NFX1: variants seen among roughly 807,000 people sequenced by gnomAD.
The protein encoded by NFX1 is nuclear transcription factor, X-box binding 1.
In NFX1, 69 loss-of-function variants were observed where a neutral mutation model predicts 137.2. The observed-to-expected ratio is 0.50, with a 90% CI of 0.41 to 0.61. The LOEUF (loss-of-function observed/expected upper bound fraction) is 0.61. NFX1 is among the 20% of genes least tolerant of loss of function. NFX1 has a pLI of 0.00. For missense variants in NFX1, 1,167 were observed against 1,391.0 expected (o/e 0.84, Z 2.56); for synonymous variants, 495 against 474.1 (o/e 1.04, Z -0.57).
chr9:33,343,812 T>A (rs555563791), intron 13 of NFX1, among the ~76,000 whole-genome samples: 3 of 152,326 alleles, frequency 2.0e-5, no homozygotes, highest in East Asian at 3.9e-4. Context: ...TCTAGAAATA[T>A]GTTGGGAAAA....
chr9:33,293,370 GC>G, intron 1 of NFX1, among the ~76,000 whole-genome samples: 1 of 152,328 alleles, frequency 6.6e-6, no homozygotes, highest in African/African-American at 2.4e-5. Flanking sequence ...CAATGCTCAA[GC>G]CTGTGTGTTT....
intron 2 of NFX1, among the ~76,000 whole-genome samples, chr9:33,300,807 C>G (rs1376736658): frequency 2.0e-5 from 3 of 152,240 alleles, no homozygotes; most frequent in Non-Finnish European, 2.9e-5. Context: ...AGCCATCTCA[C>G]CACTCATGGG....
intron 10 of NFX1, among the ~76,000 whole-genome samples, chr9:33,329,089 C>A (rs1239927464): frequency 6.6e-6 from 1 of 152,116 alleles, no homozygotes; most frequent in African/African-American, 2.4e-5. Context: ...AAGGAGGTTA[C>A]AGTTTTATTA....
chr9:33,344,259 T>C (rs911910225), intron 14 of NFX1, 71 bp downstream of exon 14: 3 of 1,590,632 alleles, frequency 1.9e-6, no homozygotes, highest in African/African-American at 2.7e-5. Flanking sequence ...TGTGTTACTG[T>C]CTTCACTGCT....
intron 19 of NFX1, 65 bp from the exon 20 acceptor site, chr9:33,363,945 C>G (rs75063899): frequency 1.4e-5 from 15 of 1,054,316 alleles, no homozygotes; most frequent in Non-Finnish European, 1.8e-5. Flanking sequence ...AGTAGGCACT[C>G]GGGGTTACTG....
intron 7 of NFX1, among the ~76,000 whole-genome samples, chr9:33,315,667 A>G (rs9695762): frequency 0.021 from 3,183 of 151,202 alleles, 126 homozygotes; most frequent in African/African-American, 0.073. Context: ...CAGGTGGATC[A>G]CTTGAGCCTA....
intron 9 of NFX1, among the ~76,000 whole-genome samples, chr9:33,326,172 G>A (rs1314856344): frequency 6.6e-6 from 1 of 152,112 alleles, no homozygotes; most frequent in Non-Finnish European, 1.5e-5. Flanking sequence ...CAGCTCTTTG[G>A]GAGGCCAAGG....
intron 17 of NFX1, among the ~76,000 whole-genome samples, chr9:33,353,290 T>C (rs1408229783): frequency 6.6e-6 from 1 of 152,246 alleles, no homozygotes; most frequent in Non-Finnish European, 1.5e-5. Context: ...CAGCCAGGGC[T>C]AAGCTCTGTG....
chr9:33,293,695 T>C (rs1209492969), intron 1 of NFX1, among the ~76,000 whole-genome samples: 1 of 152,216 alleles, frequency 6.6e-6, no homozygotes, highest in East Asian at 1.9e-4. Flanking sequence ...GAATTGACTG[T>C]ACCAAGAAGC....
chr9:33,338,212 G>T (rs1055762524), intron 11 of NFX1, among the ~76,000 whole-genome samples: 5 of 151,798 alleles, frequency 3.3e-5, no homozygotes, highest in Admixed American at 1.3e-4. Flanking sequence ...AAAATTAGCT[G>T]GGTGTGGTGG....
chr9:33,342,754 G>A lies in NFX1; in HGVS notation c.2124G>A (p.Glu708=), dbSNP rs372268858. Residue 708 remains glutamate, a synonymous_variant, in exon 13 of 24, where the codon GAG becomes GAA. Coordinates refer to ENST00000379540, the MANE Select transcript of NFX1 (RefSeq NM_002504.6). ...KCNEICCVDK[E]HKCPLICGRK... ...TAAATCTCTTTTCCCAGGATAAGGA[G>A]CACAAGTGTCCTTTGATTTGTGGGA... 4.3e-6 allele frequency: 7 copies of A among 1,610,878 alleles called. No homozygotes were observed. In the African/African-American group the frequency reaches 8.0e-5, roughly 18 times the overall value.
chr9:33,313,605 A>G, intron 6 of NFX1, 49 bp from the exon 7 acceptor site: 2 of 1,596,428 alleles, frequency 1.3e-6, no homozygotes, highest in Non-Finnish European at 8.6e-7. Flanking sequence ...TTGGTTGTCC[A>G]ACAGGAACTT....
chr9:33,334,837 A>G (rs2118514516), intron 11 of NFX1, among the ~76,000 whole-genome samples: 2 of 152,286 alleles, frequency 1.3e-5, no homozygotes, highest in Non-Finnish European at 2.9e-5. Context: ...TTTCCCCATT[A>G]TTAATAAGCA....
chr9:33,326,758 C>A (rs1822606777), intron 9 of NFX1, among the ~76,000 whole-genome samples: 1 of 152,090 alleles, frequency 6.6e-6, no homozygotes, highest in African/African-American at 2.4e-5. Context: ...TATTTGTTAT[C>A]TTTTTCAGCT....
At chr9:33,367,215 A>AG (rs1450264554) in intron 22 of NFX1, among the ~76,000 whole-genome samples, 4 of 152,204 alleles carry the variant, frequency 2.6e-5, no homozygotes, top group African/African-American at 9.7e-5. Flanking sequence ...AGGAAACTGA[A>AG]GCAATAATGT....
intron 16 of NFX1, among the ~76,000 whole-genome samples, chr9:33,352,253 A>G (rs1013494969): frequency 1.3e-5 from 2 of 152,108 alleles, no homozygotes; most frequent in Non-Finnish European, 2.9e-5. Context: ...GGGCTATGAG[A>G]GCAGGTAAAT....
chr9:33,295,997 C>G (rs1353801052), intron 2 of NFX1, among the ~76,000 whole-genome samples: 1 of 152,126 alleles, frequency 6.6e-6, no homozygotes. Flanking sequence ...GTGGTGCGAT[C>G]CCAGCTCACT....
chr9:33,354,927 C>A (rs758507443), intron 19 of NFX1, 35 bp downstream of exon 19: 1 of 1,608,834 alleles, frequency 6.2e-7, no homozygotes. Context: ...AATCTCCTTG[C>A]CCTTGAGCTC....
chr9:33,361,493 C>T (rs1823988686), intron 19 of NFX1, among the ~76,000 whole-genome samples: 1 of 152,030 alleles, frequency 6.6e-6, no homozygotes, highest in Non-Finnish European at 1.5e-5. Flanking sequence ...TAGAGAAAGG[C>T]TGGGCGCAGT....
Sources: allele counts gnomAD v4.1 joint callset (sites outside exome capture counted in the v4.1 genomes callset), GRCh38; gene constraint gnomAD v4.1.1; transcripts MANE v1.5; gene names NCBI Gene and HGNC (gene_info 2026-07-23, HGNC 2026-07-21).